Variants in ANKMY1 observed in about 807,000 individuals in gnomAD.
ANKMY1 encodes ankyrin repeat and MYND domain containing 1.
In ANKMY1, 98 loss-of-function variants were observed where a neutral mutation model predicts 102.0. The observed-to-expected ratio is 0.96, with a 90% CI of 0.82 to 1.14. The LOEUF (loss-of-function observed/expected upper bound fraction) is 1.14. Among genes scored for constraint, ANKMY1 ranks in the 50% most tolerant of loss-of-function variants. The pLI is 0.00. For missense variants in ANKMY1, 1,330 were observed against 1,347.6 expected (o/e 0.99, Z 0.20); for synonymous variants, 582 against 559.9 (o/e 1.04, Z -0.56).
rs760526137 is a variant in ANKMY1 at position 240,520,492 on chromosome 2, C to T, written c.1874G>A (p.Arg625Gln). 4.3e-6 allele frequency: 7 copies of T among 1,613,246 alleles called. No individual in the cohort carries two copies. Among genetic ancestry groups the T allele is most frequent in the African/African-American group, 1.3e-5 (1 of 75,046 alleles). ...GCAGCACAGGTTGGGGTCCGCGCCC[C>T]GGCGCAGCAGCAGCTTGATGGTCCG... ...RWRTIKLLLRRGADPNLCCVP... is the reference protein window; with the variant it reads ...RWRTIKLLLRQGADPNLCCVP... The change falls in exon 9 of 18, where the codon CGG becomes CAG. Residue 625 changes from arginine to glutamine, a missense_variant. Coordinates refer to ENST00000401804, the MANE Select transcript of ANKMY1 (RefSeq NM_001282771.3). This position sits in a 1 kb window ranked among gnomAD's most constrained non-coding sequence, Gnocchi z 4.8.
Position 240,520,382 on chromosome 2 carries a change from C to T in ANKMY1, c.1984G>A (p.Asp662Asn), listed in dbSNP as rs773568192. 1.9e-6 allele frequency: 3 copies of T among 1,569,268 alleles called. No individual in the cohort carries two copies. Among genetic ancestry groups the T allele is most frequent in the Non-Finnish European group, 1.7e-6 (2 of 1,156,898 alleles). ...RLLLEHGART[D>N]ICFPPQLSTL... ...CCTACCTGCGGCGGAAAGCAGATGTCGGTCCTCGCCCCGTGCTCCAGCAGC... is the reference window on the plus strand; with the variant it reads ...CCTACCTGCGGCGGAAAGCAGATGTTGGTCCTCGCCCCGTGCTCCAGCAGC... The change falls in exon 9 of 18, where the codon GAC (aspartate) becomes AAC (asparagine). Residue 662 changes from aspartate (D) to asparagine (N), a missense_variant. Transcript: ENST00000401804. This position sits in a 1 kb window ranked among gnomAD's most constrained non-coding sequence, Gnocchi z 4.8.
chr2:240,500,339 C>G (rs1003689658), intron 14 of ANKMY1, 113 bp downstream of exon 14: 1 of 1,245,694 alleles, frequency 8.0e-7, no homozygotes, highest in African/African-American at 1.5e-5. Context: ...GCTCTGGGGG[C>G]GGCGCTAGGA....
chr2:240,552,645 A>G (rs2091719052), intron 4 of ANKMY1: 2 of 466,566 alleles, frequency 4.3e-6, no homozygotes, highest in East Asian at 8.7e-5. Context: ...ACAGTGATCC[A>G]GTTTACATAT....
Position 240,509,425 on chromosome 2 carries a change from A to G in ANKMY1, c.2317T>C (p.Ser773Pro). ...AGCAGGTTAGGATTTGCTCCGTGGG[A>G]TAGAAGGAGCCGGACTATGTCCCTG... Reference protein sequence around the residue: ...CARDIVRLLLSHGANPNLLWS... With the variant: ...CARDIVRLLLPHGANPNLLWS... The change falls in exon 12 of 18, where the codon TCC (serine) becomes CCC (proline). Residue 773 changes from serine to proline, a missense_variant. Physicochemically the swap from Ser to Pro is moderately conservative, Grantham distance 74. Coordinates refer to ENST00000401804, the MANE Select transcript of ANKMY1 (RefSeq NM_001282771.3). 1 of 1,613,574 alleles carries G rather than the reference A, an allele frequency of 6.2e-7. No individual in the cohort carries two copies. Among genetic ancestry groups the G allele is most frequent in the Non-Finnish European group, 8.5e-7 (1 of 1,179,772 alleles).
downstream of ANKMY1, among the ~76,000 whole-genome samples, chr2:240,476,606 C>A (rs1418212328): frequency 6.6e-6 from 1 of 152,194 alleles, no homozygotes; most frequent in African/African-American, 2.4e-5. Flanking sequence ...CAGCAGAGCA[C>A]AGAAGGGGCC....
intron 8 of ANKMY1, among the ~76,000 whole-genome samples, chr2:240,521,425 C>G (rs1023683753): frequency 4.0e-5 from 6 of 149,512 alleles, no homozygotes; most frequent in Admixed American, 1.3e-4. Flanking sequence ...AGGATCTATG[C>G]CTTTCTGGTG....
At position 240,525,951 on chromosome 2, in the gene ANKMY1, G is replaced by T. The variant is rs1021839093; in HGVS notation, c.1171-102C>A. On this transcript the variant is annotated intron_variant, in intron 6 of 17. Transcript: ENST00000401804. ...GCCCTCATGAGGCCACCCTATGGCA[G>T]GGCAGGAACCAGTGCTCATTCGGGA... 1.3e-5 allele frequency: 18 copies of T among 1,401,630 alleles called. No homozygotes were observed. In the African/African-American group the frequency reaches 2.5e-4, roughly 20 times the overall value. The allele number at this position is 1,401,630 out of a possible 1,614,324, so 86.8% of individuals were successfully genotyped here. A position where few individuals can be genotyped will look rare whatever the true frequency, so the allele number is the denominator to read the frequency against.
Position 240,511,983 on chromosome 2 carries a change from T to C in ANKMY1, c.2164A>G (p.Ser722Gly). ...KPGKLDLLPSSLKLSNEPGPP... is the reference protein window; with the variant it reads ...KPGKLDLLPSGLKLSNEPGPP... The stretch of plus-strand genomic sequence containing the variant: ...CCTGGCTCATTGCTGAGCTTCAGAC[T>C]TGAGGGCAGCAGGTCCAGCTGTGTA... The change falls in exon 11 of 18, where the codon AGT (serine) becomes GGT (glycine). Residue 722 changes from serine (S) to glycine (G), a missense_variant. Ser to Gly is a moderately conservative substitution (Grantham distance 56). Transcript: ENST00000401804. The C allele has an allele frequency of 1.9e-6, 3 of 1,560,040 alleles. No homozygotes were observed. The highest frequency in any genetic ancestry group is 2.6e-6 in the Non-Finnish European group (3 of 1,162,002).
rs760079880 is a variant in ANKMY1, at chr2:240,499,934, A to C, written c.2806+24T>G. 3 of 1,602,194 alleles carry C rather than the reference A, an allele frequency of 1.9e-6. No homozygotes were observed. The highest frequency in any genetic ancestry group is 2.7e-5 in the African/African-American group (2 of 74,740). The stretch of plus-strand genomic sequence containing the variant: ...GCCGGAACGCCGCCCTGTGGAGCAG[A>C]GCAGAGCAGGGCCCACTGCTCACCT... On this transcript the variant is annotated intron_variant, in intron 15 of 17. Transcript: ENST00000401804. This position sits in a 1 kb window ranked among gnomAD's most constrained non-coding sequence, Gnocchi z 4.2.
chr2:240,479,119 G>A (rs1377021938), downstream of ANKMY1, among the ~76,000 whole-genome samples: 1 of 152,208 alleles, frequency 6.6e-6, no homozygotes, highest in Admixed American at 6.5e-5. Flanking sequence ...AGTGCACGGG[G>A]AACAAACGAG....
At chr2:240,532,279 CA>C (rs2085596964) in intron 4 of ANKMY1, 1 of 314,958 alleles carries the variant, frequency 3.2e-6, no homozygotes, top group Non-Finnish European at 6.6e-6. Flanking sequence ...TCACTGTGCT[CA>C]AGAAAATAAC....
rs570485915 is a variant in ANKMY1 at position 240,482,374 on chromosome 2, C to T, written c.2807-113G>A. 61 of 915,250 alleles carry T rather than the reference C, an allele frequency of 6.7e-5. No homozygotes were observed. The African/African-American group carries it at 9.0e-4, about 14-fold the overall frequency. 56.7% of individuals were successfully genotyped at this position (915,250 alleles called of 1,614,324 possible). ...GTGCCTGCCTGCACTACTCGGGAGG[C>T]GGATAGGGGGAAGCAAGCCTTTGAT... is the stretch of plus-strand genomic sequence containing the variant. On this transcript the variant is annotated intron_variant, in intron 15 of 17. Transcript: ENST00000401804.
chr2:240,485,879 C>T lies in ANKMY1; in HGVS notation c.2807-3618G>A, dbSNP rs111265689. On this transcript the variant is annotated intron_variant, in intron 15 of 17. Transcript: ENST00000401804. ...AAGTGCTGGGATTATAGATGTGAGC[C>T]ACCATGCCTGGCCTACCATATGAAT... 7.4e-3 allele frequency among the ~76,000 whole-genome samples: 1,133 copies of T among 152,274 alleles called. 14 individuals are homozygous for T. The highest frequency in any genetic ancestry group is 0.026 in the African/African-American group (1,062 of 41,538).
At chr2:240,468,875 G>T in the ANKMY1 span, among the ~76,000 whole-genome samples, 2 of 152,154 alleles carry the variant, frequency 1.3e-5, no homozygotes, top group African/African-American at 4.8e-5. Flanking sequence ...CTCCGGGCAG[G>T]ACGAAGGGCT....
At chr2:240,554,690 T>C in intron 3 of ANKMY1, 176 bp downstream of exon 3, 3 of 703,008 alleles carry the variant, frequency 4.3e-6, no homozygotes, top group Non-Finnish European at 7.0e-6. Flanking sequence ...ATGGGTGTGA[T>C]TTTGGAAGTT....
intron 13 of ANKMY1, among the ~76,000 whole-genome samples, chr2:240,503,541 C>T (rs1018826387): frequency 1.3e-5 from 2 of 152,166 alleles, no homozygotes; most frequent in Non-Finnish European, 2.9e-5. Flanking sequence ...GAGCTTCACG[C>T]GTTCATTTCT....
intron 5 of ANKMY1, among the ~76,000 whole-genome samples, chr2:240,528,768 C>A (rs1163507300): frequency 6.6e-6 from 1 of 152,188 alleles, no homozygotes; most frequent in Non-Finnish European, 1.5e-5. Context: ...TCACTCCTGT[C>A]CCCAAGAGTG....
chr2:240,532,129 A>G, intron 4 of ANKMY1: 1 of 468,976 alleles, frequency 2.1e-6, no homozygotes, highest in Non-Finnish European at 4.4e-6. Flanking sequence ...GAAACATCAC[A>G]TTGAAACTGT....
At chr2:240,495,216 A>C (rs547508131) in intron 15 of ANKMY1, among the ~76,000 whole-genome samples, 23 of 152,236 alleles carry the variant, frequency 1.5e-4, no homozygotes, top group Non-Finnish European at 3.2e-4. Flanking sequence ...AGTGCCAAGG[A>C]AAAGTACCCA....
Sources: gnomAD v4.1 joint callset for allele counts (sites outside exome capture counted in the v4.1 genomes callset) on GRCh38, gnomAD v4.1.1 for gene constraint, Gnocchi (gnomAD v3.1) non-coding constraint, MANE v1.5 for transcripts, NCBI Gene and HGNC (gene_info 2026-07-23, HGNC 2026-07-21) for gene names.